The following SNTG1 variants were observed in gnomAD, a reference collection of about 807,000 sequenced individuals.
SNTG1 encodes the protein syntrophin gamma 1.
In SNTG1, 39 loss-of-function variants were observed where a neutral mutation model predicts 74.7. That is an observed-to-expected ratio of 0.52 (90% CI 0.40 to 0.68). The LOEUF (loss-of-function observed/expected upper bound fraction) is 0.68, where lower values mean the gene tolerates loss of function less well. Among genes scored for constraint, SNTG1 ranks in the 30% least tolerant of loss-of-function variants. The probability of loss-of-function intolerance (pLI) is 0.00; values close to 1 mark genes in which losing one functional copy is unlikely to be tolerated. For synonymous variants in SNTG1, 254 were observed against 217.1 expected, an observed-to-expected ratio of 1.17 and a Z score of -1.49; for missense variants, 685 against 609.5, an observed-to-expected ratio of 1.12 and a Z score of -1.30.
chr8:50,088,495 T>A (rs2131136970), intron 1 of SNTG1, among the ~76,000 whole-genome samples: 1 of 130,886 alleles, frequency 7.6e-6, no homozygotes, highest in South Asian at 2.7e-4. Flanking sequence ...TGATTGTATA[T>A]CTAGAAAACC....
chr8:50,023,609 G>C lies in SNTG1; in HGVS notation c.-103+111378G>C, dbSNP rs553075672. 2.0e-5 allele frequency among the ~76,000 whole-genome samples: 3 copies of C among 152,162 alleles called. No individual in the cohort carries two copies. In the South Asian group the frequency reaches 6.2e-4, roughly 32 times the overall value. On this transcript the variant is annotated intron_variant, in intron 1 of 18. Transcript: ENST00000642720. Reference sequence around the variant, plus strand: ...TCATGCCATTCCTGAAATTTTAGTAGGCTGCTAAGGATGATTTTCTTAGCT... The same window carrying C: ...TCATGCCATTCCTGAAATTTTAGTACGCTGCTAAGGATGATTTTCTTAGCT...
intron 17 of SNTG1, among the ~76,000 whole-genome samples, chr8:50,717,378 A>G (rs1328668342): frequency 6.6e-6 from 1 of 152,216 alleles, no homozygotes; most frequent in Non-Finnish European, 1.5e-5. Context: ...AAAGTTTTGT[A>G]ACTCAAAGTA....
At chr8:50,515,549 C>T (rs1047929535) in intron 9 of SNTG1, among the ~76,000 whole-genome samples, 2 of 152,082 alleles carry the variant, frequency 1.3e-5, no homozygotes, top group East Asian at 3.9e-4. Flanking sequence ...CTAAGATCCA[C>T]TGGCTTGAAA....
At chr8:50,201,455 A>C (rs1240671684) in intron 2 of SNTG1, among the ~76,000 whole-genome samples, 1 of 152,220 alleles carries the variant, frequency 6.6e-6, no homozygotes, top group Non-Finnish European at 1.5e-5. Flanking sequence ...GTTACAACTA[A>C]TGAACCAATA....
At chr8:50,524,964 C>T (rs1585571478) in intron 9 of SNTG1, among the ~76,000 whole-genome samples, 3 of 152,032 alleles carry the variant, frequency 2.0e-5, no homozygotes, top group African/African-American at 7.2e-5. Context: ...TCTACCTTTA[C>T]CAGAGGACAT....
At chr8:50,603,085 T>C (rs1284713652) in intron 13 of SNTG1, among the ~76,000 whole-genome samples, 1 of 152,138 alleles carries the variant, frequency 6.6e-6, no homozygotes, top group Non-Finnish European at 1.5e-5. Flanking sequence ...CTATTATTAT[T>C]TCTTTGAATA....
chr8:49,979,186 T>G (rs1812448647), intron 1 of SNTG1, among the ~76,000 whole-genome samples: 1 of 152,196 alleles, frequency 6.6e-6, no homozygotes, highest in Non-Finnish European at 1.5e-5. Context: ...AGCAGGGCAG[T>G]TCACAATGGC....
chr8:50,278,122 A>C (rs967137806), intron 2 of SNTG1, among the ~76,000 whole-genome samples: 4 of 152,158 alleles, frequency 2.6e-5, no homozygotes, highest in Non-Finnish European at 4.4e-5. Flanking sequence ...GCAATGAGCC[A>C]AGATCGCACC....
At chr8:50,217,400 C>A (rs1431605905) in intron 2 of SNTG1, among the ~76,000 whole-genome samples, 3 of 152,018 alleles carry the variant, frequency 2.0e-5, no homozygotes, top group Non-Finnish European at 4.4e-5. Flanking sequence ...CAGAATCAAT[C>A]TTAAAAACTC....
intron 13 of SNTG1, among the ~76,000 whole-genome samples, chr8:50,628,418 T>C (rs1192734336): frequency 6.6e-6 from 1 of 152,186 alleles, no homozygotes; most frequent in African/African-American, 2.4e-5. Flanking sequence ...TTTATATTTG[T>C]TTCCTGTTAA....
chr8:50,494,446 G>A (rs1585455734), intron 8 of SNTG1, among the ~76,000 whole-genome samples: 1 of 151,758 alleles, frequency 6.6e-6, no homozygotes, highest in African/African-American at 2.4e-5. Context: ...GAAGATACAT[G>A]ATTTTCTACT....
chr8:50,199,915 T>C (rs1466787646), intron 2 of SNTG1, among the ~76,000 whole-genome samples: 1 of 152,182 alleles, frequency 6.6e-6, no homozygotes, highest in Non-Finnish European at 1.5e-5. Flanking sequence ...ACCTGTATTG[T>C]GGGTGTGGAT....
At chr8:50,280,772 G>A (rs1490100357) in intron 2 of SNTG1, among the ~76,000 whole-genome samples, 1 of 152,016 alleles carries the variant, frequency 6.6e-6, no homozygotes, top group African/African-American at 2.4e-5. Context: ...AGTCTCATAG[G>A]TGGCCACCTT....
chr8:50,254,359 G>A lies in SNTG1; in HGVS notation c.-28+81724G>A, dbSNP rs10095478. Among the ~76,000 whole-genome samples, 444 of 152,270 alleles carry A rather than the reference G, an allele frequency of 2.9e-3. 4 individuals are homozygous for A. Among genetic ancestry groups the A allele is most frequent in the African/African-American group, 9.6e-3 (399 of 41,568 alleles). ...TATTTTGCAGAACTCACCTTCATCC[G>A]TGTACCTTTTTTGAAAACTCAAAGA... On this transcript the variant is annotated intron_variant, in intron 2 of 18. Coordinates refer to ENST00000642720, the MANE Select transcript of SNTG1 (RefSeq NM_018967.5).
At chr8:50,123,005 T>C (rs938170919) in intron 1 of SNTG1, among the ~76,000 whole-genome samples, 2 of 142,830 alleles carry the variant, frequency 1.4e-5, no homozygotes, top group South Asian at 2.6e-4. Flanking sequence ...TAGCATACTG[T>C]GACAGATTCA....
In SNTG1 at chr8:50,713,896, A is replaced by G. The variant is rs577853350; in HGVS notation, c.1284+4918A>G. Among the ~76,000 whole-genome samples the G allele has an allele frequency of 1.1e-3, 167 of 151,988 alleles. 1 individual carries two copies. Among genetic ancestry groups the G allele is most frequent in the Non-Finnish European group, 2.1e-3 (141 of 67,984 alleles). ...AACATAATGAAACCTTGCCTCTACTAAAAATACAAAAAATTAGCTGGATGT... is the reference window on the plus strand; with the variant it reads ...AACATAATGAAACCTTGCCTCTACTGAAAATACAAAAAATTAGCTGGATGT... On this transcript the variant is annotated intron_variant, in intron 17 of 18. Coordinates refer to ENST00000642720, the MANE Select transcript of SNTG1 (RefSeq NM_018967.5).
intron 2 of SNTG1, among the ~76,000 whole-genome samples, chr8:50,341,812 A>T (rs141604048): frequency 2.6e-5 from 4 of 152,180 alleles, no homozygotes; most frequent in South Asian, 2.1e-4. Flanking sequence ...TAATAGCCAT[A>T]GGAACATGAC....
intron 1 of SNTG1, among the ~76,000 whole-genome samples, chr8:50,020,781 C>T (rs544405189): frequency 2.2e-4 from 33 of 152,092 alleles, no homozygotes; most frequent in Middle Eastern, 3.4e-3. Flanking sequence ...TATAAATGGA[C>T]GATCCAATGC....
intron 8 of SNTG1, among the ~76,000 whole-genome samples, chr8:50,485,063 G>A (rs2093778708): frequency 6.6e-6 from 1 of 152,062 alleles, no homozygotes; most frequent in Non-Finnish European, 1.5e-5. Context: ...AAGTATTTTG[G>A]GGCCTCAGTA....
Sources: gnomAD v4.1 joint callset for allele counts (sites outside exome capture counted in the v4.1 genomes callset) on GRCh38, gnomAD v4.1.1 for gene constraint, MANE v1.5 for transcripts, NCBI Gene and HGNC (gene_info 2026-07-23, HGNC 2026-07-21) for gene names.